EEFSEC: variants seen among roughly 807,000 people sequenced by gnomAD.
The protein encoded by EEFSEC is eukaryotic elongation factor, selenocysteine-tRNA specific, also known as selenocysteine-specific elongation factor.
EEFSEC carries 43 observed loss-of-function variants against 42.1 expected under a neutral mutation model. The ratio of observed to expected loss-of-function variants is 1.02; its 90% CI spans 0.80 to 1.32. The LOEUF (loss-of-function observed/expected upper bound fraction) is 1.32, where lower values mean the gene tolerates loss of function less well. Among genes scored for constraint, EEFSEC ranks in the 40% most tolerant of loss-of-function variants. The pLI, the probability that EEFSEC is intolerant of heterozygous loss-of-function variation, is 0.00. For synonymous variants in EEFSEC, 354 were observed against 339.1 expected (o/e 1.04, Z -0.48); for missense variants, 745 against 803.6 (o/e 0.93, Z 0.88).
intron 1 of EEFSEC, among the ~76,000 whole-genome samples, chr3:128,160,622 G>A (rs913736682): frequency 6.6e-6 from 1 of 152,190 alleles, no homozygotes; most frequent in Non-Finnish European, 1.5e-5. Context: ...TGGCATCCCT[G>A]GGAGATCGGG....
At chr3:128,214,941 A>T (rs1163293338) in intron 1 of EEFSEC, among the ~76,000 whole-genome samples, 1 of 152,216 alleles carries the variant, frequency 6.6e-6, no homozygotes, top group Non-Finnish European at 1.5e-5. Context: ...AAAATCATGT[A>T]ACATCAGAAA....
intron 1 of EEFSEC, among the ~76,000 whole-genome samples, chr3:128,161,169 C>A (rs2065182492): frequency 6.6e-6 from 1 of 152,130 alleles, no homozygotes; most frequent in Admixed American, 6.5e-5. Context: ...CCATTCCAGC[C>A]CCCTGTAGTG....
At chr3:128,310,196 G>A (rs890575678) in intron 4 of EEFSEC, among the ~76,000 whole-genome samples, 1 of 152,208 alleles carries the variant, frequency 6.6e-6, no homozygotes, top group Non-Finnish European at 1.5e-5. Flanking sequence ...GTGGCTTAGT[G>A]ATGAGCCTTT....
intron 6 of EEFSEC, among the ~76,000 whole-genome samples, chr3:128,386,218 A>G (rs750670296): frequency 6.6e-6 from 1 of 152,192 alleles, no homozygotes; most frequent in Non-Finnish European, 1.5e-5. Context: ...TGGGTGAAGT[A>G]GGGTTCAGGT....
chr3:128,199,531 T>A (rs1323359103), intron 1 of EEFSEC, among the ~76,000 whole-genome samples: 1 of 152,228 alleles, frequency 6.6e-6, no homozygotes, highest in African/African-American at 2.4e-5. Flanking sequence ...CCCTTGTGTC[T>A]ATTTACCATT....
intron 6 of EEFSEC, among the ~76,000 whole-genome samples, chr3:128,379,255 G>A (rs546031450): frequency 4.1e-4 from 63 of 152,306 alleles, no homozygotes; most frequent in African/African-American, 1.2e-3. Flanking sequence ...AGAGCACTTC[G>A]GGGTGTACTT....
intron 5 of EEFSEC, among the ~76,000 whole-genome samples, chr3:128,351,000 C>G (rs972730301): frequency 3.3e-5 from 5 of 152,178 alleles, no homozygotes; most frequent in African/African-American, 1.2e-4. Flanking sequence ...GAAGAGTTAA[C>G]ACCGCATTTT....
intron 6 of EEFSEC, among the ~76,000 whole-genome samples, chr3:128,372,518 A>G (rs1247763964): frequency 1.3e-5 from 2 of 152,204 alleles, no homozygotes; most frequent in Non-Finnish European, 2.9e-5. Context: ...GTCACTAGCA[A>G]GGGGAGGAAA....
At chr3:128,419,981 C>T in the EEFSEC span, among the ~76,000 whole-genome samples, 1 of 152,092 alleles carries the variant, frequency 6.6e-6, no homozygotes. Context: ...GACCCAGAGA[C>T]AGTGAGAGTA....
At chr3:128,259,434 T>C (rs2066275433) in intron 2 of EEFSEC, among the ~76,000 whole-genome samples, 1 of 152,248 alleles carries the variant, frequency 6.6e-6, no homozygotes, top group Non-Finnish European at 1.5e-5. Context: ...TATTTTGTTA[T>C]GTGTGCAGTG....
At chr3:128,359,568 A>G (rs1233513934) in intron 6 of EEFSEC, among the ~76,000 whole-genome samples, 3 of 152,214 alleles carry the variant, frequency 2.0e-5, no homozygotes, top group Admixed American at 6.5e-5. Flanking sequence ...TATCTCCTGT[A>G]CAATTGTACC....
Position 128,264,701 on chromosome 3 carries a change from G to T in EEFSEC, c.706G>T (p.Gly236Cys). ...MSVDHCFSIK[G>C]QGTVMTGTIL... Reference sequence around the variant, plus strand: ...TGTGGACCACTGTTTCTCCATCAAAGGCCAAGGCACTGTGATGACAGGGAC... The same window carrying T: ...TGTGGACCACTGTTTCTCCATCAAATGCCAAGGCACTGTGATGACAGGGAC... The change falls in exon 4 of 7, where the codon GGC becomes TGC. Residue 236 changes from glycine (G) to cysteine (C), a missense_variant. Transcript: ENST00000254730. 6.2e-7 allele frequency: 1 copy of T among 1,614,088 alleles called. No homozygotes were observed. Among genetic ancestry groups the T allele is most frequent in the African/African-American group, 1.3e-5 (1 of 74,976 alleles).
intron 1 of EEFSEC, among the ~76,000 whole-genome samples, chr3:128,159,217 TTAGC>T (rs1234811385): frequency 6.6e-6 from 1 of 152,248 alleles, no homozygotes; most frequent in African/African-American, 2.4e-5. Flanking sequence ...GGAGTGTTAG[TTAGC>T]CTTATTTCTC....
chr3:128,241,456 A>C (rs2955081), intron 1 of EEFSEC, among the ~76,000 whole-genome samples: 130,580 of 152,140 alleles, frequency 0.86, 56,251 homozygotes, highest in East Asian at 0.99. Context: ...AGTGATTCAC[A>C]CACCTCAGCC....
At chr3:128,422,741 C>T in the EEFSEC span, among the ~76,000 whole-genome samples, 1 of 152,232 alleles carries the variant, frequency 6.6e-6, no homozygotes. Flanking sequence ...CAAGGAGGTG[C>T]CCGGGAGGGT....
At position 128,408,240 on chromosome 3, in the gene EEFSEC, G is replaced by A. The variant is rs116329335; in HGVS notation, c.1772G>A (p.Arg591His). 1,512 of 1,602,194 alleles carry A rather than the reference G, an allele frequency of 9.4e-4. 15 individuals carry two copies. In the African/African-American group the frequency reaches 0.018, roughly 19 times the overall value. The change falls in exon 7 of 7, where the codon CGC (arginine) becomes CAC (histidine). Residue 591 changes from arginine to histidine, a missense_variant. By Grantham distance (29) the Arg-to-His change is conservative. Coordinates refer to ENST00000254730, the MANE Select transcript of EEFSEC (RefSeq NM_021937.5). ...FKRYVFDTHK[R>H]MVQSP is the part of the protein sequence containing the mutation. ...CGTTATGTCTTCGACACCCACAAGCGCATGGTTCAGTCTCCCTGAGTGTCC... is the reference window on the plus strand; with the variant it reads ...CGTTATGTCTTCGACACCCACAAGCACATGGTTCAGTCTCCCTGAGTGTCC...
chr3:128,393,140 GC>G (rs2067936720), intron 6 of EEFSEC, among the ~76,000 whole-genome samples: 1 of 152,214 alleles, frequency 6.6e-6, no homozygotes, highest in Non-Finnish European at 1.5e-5. Flanking sequence ...TCTTTCCAGA[GC>G]CCTCTGTGGG....
intron 4 of EEFSEC, among the ~76,000 whole-genome samples, chr3:128,268,530 C>T (rs2066379387): frequency 6.6e-6 from 1 of 152,060 alleles, no homozygotes; most frequent in Non-Finnish European, 1.5e-5. Context: ...CAGAATATGA[C>T]CATTTTGGAA....
chr3:128,327,194 C>G (rs747975879), intron 4 of EEFSEC, among the ~76,000 whole-genome samples: 1 of 152,100 alleles, frequency 6.6e-6, no homozygotes, highest in South Asian at 2.1e-4. Context: ...CTGTGCTGCA[C>G]TGACCATCTT....
Sources: allele counts gnomAD v4.1 joint callset (sites outside exome capture counted in the v4.1 genomes callset), GRCh38; gene constraint gnomAD v4.1.1; transcripts MANE v1.5; gene names NCBI Gene and HGNC (gene_info 2026-07-23, HGNC 2026-07-21).